Variants in ADAMTS20 observed in about 807,000 individuals in gnomAD.
ADAMTS20 encodes ADAM metallopeptidase with thrombospondin type 1 motif 20.
A neutral mutation model predicts 260.1 loss-of-function variants in ADAMTS20; 225 were observed. That is an observed-to-expected ratio of 0.87 (90% CI 0.78 to 0.97). The LOEUF (loss-of-function observed/expected upper bound fraction) is 0.97, where lower values mean the gene tolerates loss of function less well. ADAMTS20 is among the 50% of genes least tolerant of loss of function. The pLI is 0.00. For synonymous variants in ADAMTS20, 802 were observed against 769.5 expected (o/e 1.04, Z -0.70); for missense variants, 2,400 against 2,337.7 (o/e 1.03, Z -0.55).
intron 7 of ADAMTS20, among the ~76,000 whole-genome samples, chr12:43,478,980 G>A (rs148170976): frequency 2.8e-4 from 43 of 152,166 alleles, no homozygotes; most frequent in African/African-American, 9.6e-4. Context: ...TTAAACCTGC[G>A]GAGTCTGGCA....
At chr12:43,415,586 C>A (rs1941115514) in intron 28 of ADAMTS20, among the ~76,000 whole-genome samples, 1 of 152,114 alleles carries the variant, frequency 6.6e-6, no homozygotes. Flanking sequence ...TTTCCTATTC[C>A]ATTTTATCCT....
In ADAMTS20 at chr12:43,467,110, A is replaced by G. The variant is rs142277774; in HGVS notation, c.1224-315T>C. ...CCTGCAGGTTCAACATGGATATCCC[A>G]TGTTGTGGATAGAGAAGTGTGTGGA... is the stretch of plus-strand genomic sequence containing the variant. On this transcript the variant is annotated intron_variant, in intron 8 of 38. Coordinates refer to ENST00000389420, the MANE Select transcript of ADAMTS20 (RefSeq NM_025003.5). Among the ~76,000 whole-genome samples the G allele has an allele frequency of 1.5e-3, 224 of 152,160 alleles. 2 individuals carry two copies. The highest frequency in any genetic ancestry group is 5.1e-3 in the African/African-American group (212 of 41,538).
Position 43,453,928 on chromosome 12 carries a change from GTTGCACTTTCGA to G in ADAMTS20, c.1727_1738del (p.Ile576_Ala579del), listed in dbSNP as rs1941916544. 6.2e-7 allele frequency: 1 copy of G among 1,608,264 alleles called. No homozygotes were observed. The highest frequency in any genetic ancestry group is 1.1e-5 in the South Asian group (1 of 90,216). ...ATACTCAGGACGATTACAGCGCCTG[GTTGCACTTTCGA>G]TTCCGCCTCCACATGTTCTTGAACA... On this transcript the variant is annotated inframe_deletion, in exon 12 of 39. Transcript: ENST00000389420.
chr12:43,461,905 A>C (rs1942072220), intron 11 of ADAMTS20, among the ~76,000 whole-genome samples: 1 of 152,218 alleles, frequency 6.6e-6, no homozygotes, highest in Non-Finnish European at 1.5e-5. Flanking sequence ...TCCTAAAATT[A>C]CAAAAAGGTT....
At chr12:43,539,043 C>G (rs1268070219) in intron 2 of ADAMTS20, among the ~76,000 whole-genome samples, 1 of 151,470 alleles carries the variant, frequency 6.6e-6, no homozygotes, top group Non-Finnish European at 1.5e-5. Flanking sequence ...ACCTCCACCA[C>G]CCGGGTTCAA....
chr12:43,514,492 G>A (rs2137469086), intron 3 of ADAMTS20, among the ~76,000 whole-genome samples: 1 of 136,022 alleles, frequency 7.4e-6, no homozygotes, highest in African/African-American at 2.8e-5. Flanking sequence ...AACCAGGGAG[G>A]CAGAGGTTGC....
chr12:43,421,209 G>C (rs1029846348), intron 28 of ADAMTS20, among the ~76,000 whole-genome samples: 1 of 135,042 alleles, frequency 7.4e-6, no homozygotes, highest in Non-Finnish European at 1.5e-5. Context: ...TGTTTCAGAA[G>C]GACATTTTTT....
At position 43,399,237 on chromosome 12, in the gene ADAMTS20, GA is replaced by G; in HGVS notation, c.4285-5del. 6.7e-7 allele frequency: 1 copy of G among 1,499,560 alleles called. No individual in the cohort carries two copies. Among genetic ancestry groups the G allele is most frequent in the Non-Finnish European group, 8.9e-7 (1 of 1,125,100 alleles). The allele number at this position is 1,499,560 out of a possible 1,614,324, so 92.9% of individuals were successfully genotyped here. A position where few individuals can be genotyped will look rare whatever the true frequency, so the allele number is the denominator to read the frequency against. Reference sequence around the variant, plus strand: ...CTTTACCACAAGAAGCTGAGCACTAGAAAAGAAATATGAATGCACTTGATTC... The same window carrying G: ...CTTTACCACAAGAAGCTGAGCACTAGAAAGAAATATGAATGCACTTGATTC... On this transcript the variant is annotated splice_polypyrimidine_tract_variant and splice_region_variant and intron_variant, in intron 28 of 38. Transcript: ENST00000389420.
rs182579564 is a variant in ADAMTS20 at position 43,543,426 on chromosome 12, T to G, written c.453+7483A>C. Among the ~76,000 whole-genome samples the G allele has an allele frequency of 1.7e-4, 26 of 152,342 alleles. 1 individual carries two copies. In the East Asian group the frequency reaches 3.7e-3, roughly 21 times the overall value. On this transcript the variant is annotated intron_variant, in intron 2 of 38. Coordinates refer to ENST00000389420, the MANE Select transcript of ADAMTS20 (RefSeq NM_025003.5). The stretch of plus-strand genomic sequence containing the variant: ...TAAATATCAGTGACTACTAGGTGTC[T>G]CCTATTCTTCTTTCTGTAGCAAGTT...
chr12:43,469,646 TCA>T lies in ADAMTS20; in HGVS notation c.1118-943_1118-942del, dbSNP rs1942217454. On this transcript the variant is annotated intron_variant, in intron 7 of 38. Coordinates refer to ENST00000389420, the MANE Select transcript of ADAMTS20 (RefSeq NM_025003.5). ...AAAAAAAAGATTTTTTCATAGATAA[TCA>T]GTTTCTTACTGTAAAGCTTTTGCAT... 2.0e-5 allele frequency among the ~76,000 whole-genome samples: 3 copies of T among 152,268 alleles called. No individual in the cohort carries two copies. The South Asian group carries it at 6.2e-4, about 32-fold the overall frequency.
At chr12:43,444,031 A>T in intron 15 of ADAMTS20, 148 bp from the exon 16 acceptor site, 1 of 574,796 alleles carries the variant, frequency 1.7e-6, no homozygotes, top group South Asian at 2.5e-5. Context: ...ATTCTTTTTG[A>T]GTCAGTACCT....
chr12:43,417,827 C>T (rs1463440525), intron 28 of ADAMTS20, among the ~76,000 whole-genome samples: 2 of 152,190 alleles, frequency 1.3e-5, no homozygotes, highest in Non-Finnish European at 2.9e-5. Flanking sequence ...ACATTTATAA[C>T]TCATTAGATT....
At chr12:43,358,742 C>T (rs1234172440) in intron 37 of ADAMTS20, among the ~76,000 whole-genome samples, 1 of 146,074 alleles carries the variant, frequency 6.8e-6, no homozygotes, top group African/African-American at 2.6e-5. Context: ...GAGGCTGAGG[C>T]AGGAGAATGG....
chr12:43,461,351 G>C (rs1476498189), intron 11 of ADAMTS20, among the ~76,000 whole-genome samples: 1 of 151,928 alleles, frequency 6.6e-6, no homozygotes, highest in Non-Finnish European at 1.5e-5. Context: ...TTGGCTGTAT[G>C]TGCATCCACA....
chr12:43,442,266 T>G (rs1941680248), intron 16 of ADAMTS20, among the ~76,000 whole-genome samples: 2 of 151,936 alleles, frequency 1.3e-5, no homozygotes, highest in Admixed American at 1.3e-4. Context: ...TTTCTTTTTT[T>G]TTTTTTTTGA....
At chr12:43,522,435 T>C (rs954766289) in intron 3 of ADAMTS20, among the ~76,000 whole-genome samples, 1 of 152,166 alleles carries the variant, frequency 6.6e-6, no homozygotes, top group Non-Finnish European at 1.5e-5. Flanking sequence ...AGACATTTCA[T>C]TTTCACTTCC....
chr12:43,475,527 C>T (rs371744236), intron 7 of ADAMTS20, among the ~76,000 whole-genome samples: 3 of 151,414 alleles, frequency 2.0e-5, no homozygotes, highest in South Asian at 2.1e-4. Context: ...GAGCCCGCAT[C>T]GCCAAGTCAA....
intron 4 of ADAMTS20, among the ~76,000 whole-genome samples, chr12:43,500,623 AAAT>A (rs1238066023): frequency 2.6e-5 from 4 of 152,222 alleles, no homozygotes; most frequent in African/African-American, 4.8e-5. Context: ...GAAGTAAACA[AAAT>A]AAGGGTAAAT....
Position 43,439,721 on chromosome 12 carries a change from C to A in ADAMTS20, c.2494G>T (p.Asp832Tyr). 6.2e-7 allele frequency: 1 copy of A among 1,613,388 alleles called. No individual in the cohort carries two copies. The highest frequency in any genetic ancestry group is 8.5e-7 in the Non-Finnish European group (1 of 1,179,570). Residue 832 changes from aspartate to tyrosine, a missense_variant, in exon 18 of 39, where the codon GAT becomes TAT. Coordinates refer to ENST00000389420, the MANE Select transcript of ADAMTS20 (RefSeq NM_025003.5). The stretch of plus-strand genomic sequence containing the variant: ...GGGATATTGAAGGAATAATGTACAT[C>A]AGGGTTGTATAAATTACCCACACAC... ...VLCVGNLYNPDVHYSFNIPLE... is the reference protein window; with the variant it reads ...VLCVGNLYNPYVHYSFNIPLE...
Sources: allele counts gnomAD v4.1 joint callset (sites outside exome capture counted in the v4.1 genomes callset), GRCh38; gene constraint gnomAD v4.1.1; transcripts MANE v1.5; gene names NCBI Gene and HGNC (gene_info 2026-07-23, HGNC 2026-07-21).